The following STPG2 variants were observed in gnomAD, a reference collection of about 807,000 sequenced individuals.
The protein encoded by STPG2 is sperm tail PG-rich repeat containing 2, also known as sperm-tail PG-rich repeat-containing protein 2.
STPG2 carries 56 observed loss-of-function variants against 54.2 expected under a neutral mutation model. The observed-to-expected ratio is 1.03, with a 90% CI of 0.83 to 1.29. The LOEUF is 1.29. Among genes scored for constraint, STPG2 ranks in the 50% most tolerant of loss-of-function variants. The pLI, the probability that STPG2 is intolerant of heterozygous loss-of-function variation, is 0.00. For synonymous variants in STPG2, 200 were observed against 181.8 expected (o/e 1.10, Z -0.81); for missense variants, 596 against 544.9 (o/e 1.09, Z -0.93).
chr4:97,888,024 G>T (rs1236098380), intron 8 of STPG2, among the ~76,000 whole-genome samples: 1 of 152,228 alleles, frequency 6.6e-6, no homozygotes, highest in East Asian at 1.9e-4. Flanking sequence ...AAGCCTGTGG[G>T]TGCACAGAGT....
intron 10 of STPG2, among the ~76,000 whole-genome samples, chr4:97,671,779 G>A (rs771342056): frequency 6.6e-6 from 1 of 152,018 alleles, no homozygotes; most frequent in Non-Finnish European, 1.5e-5. Flanking sequence ...TCTGTAAGTG[G>A]GCATGGTAAC....
intron 9 of STPG2, among the ~76,000 whole-genome samples, chr4:97,823,803 G>A (rs1419368908): frequency 6.6e-6 from 1 of 152,106 alleles, no homozygotes; most frequent in African/African-American, 2.4e-5. Flanking sequence ...AGATGGGACT[G>A]GATCCGAGGC....
chr4:97,545,268 CAA>C (rs1394025110), intron 4 of STPG2, among the ~76,000 whole-genome samples: 1 of 152,038 alleles, frequency 6.6e-6, no homozygotes, highest in South Asian at 2.1e-4. Context: ...ATTTTAAACA[CAA>C]AGTGATTTTC....
At chr4:98,043,888 C>G (rs1737039380) in intron 5 of STPG2, among the ~76,000 whole-genome samples, 1 of 151,688 alleles carries the variant, frequency 6.6e-6, no homozygotes, top group African/African-American at 2.4e-5. Flanking sequence ...AGTCTAGTAC[C>G]CAGTGATTAT....
At chr4:97,567,189 A>AAC (rs142654573) in intron 10 of STPG2, among the ~76,000 whole-genome samples, 5,433 of 145,420 alleles carry the variant, frequency 0.037, 186 homozygotes, top group African/African-American at 0.089. Context: ...TCATAGCTGT[A>AAC]ACACACACAC....
At chr4:98,057,611 A>C (rs994075333) in intron 5 of STPG2, among the ~76,000 whole-genome samples, 1 of 152,186 alleles carries the variant, frequency 6.6e-6, no homozygotes, top group Non-Finnish European at 1.5e-5. Flanking sequence ...AGAAAAGAAG[A>C]ATGGAACCAA....
At chr4:97,541,770 G>A (rs1022457214) in intron 4 of STPG2, among the ~76,000 whole-genome samples, 12 of 152,158 alleles carry the variant, frequency 7.9e-5, no homozygotes, top group African/African-American at 2.4e-4. Flanking sequence ...TACCAAAACA[G>A]AGATATAGAC....
chr4:98,099,683 G>T lies in STPG2; in HGVS notation c.612+6270C>A, dbSNP rs141692466. Among the ~76,000 whole-genome samples the T allele has an allele frequency of 5.5e-4, 83 of 152,278 alleles. No individual in the cohort carries two copies. The East Asian group carries it at 0.013, about 24-fold the overall frequency. ...AGGGGATGGATAACCCATTCTCTGT[G>T]ATGTGCTTATTTCACATTGCATGCC... On this transcript the variant is annotated intron_variant, in intron 5 of 10. Transcript: ENST00000295268.
chr4:98,105,935 A>G lies in STPG2; in HGVS notation c.612+18T>C, dbSNP rs955864632. The G allele has an allele frequency of 6.5e-7, 1 of 1,538,646 alleles. No individual in the cohort carries two copies. Among genetic ancestry groups the G allele is most frequent in the Admixed American group, 1.8e-5 (1 of 55,300 alleles). On this transcript the variant is annotated intron_variant, in intron 5 of 10. Coordinates refer to ENST00000295268, the MANE Select transcript of STPG2 (RefSeq NM_174952.3). ...TTAAAATTGGGAAAATATATGCATT[A>G]GCCACTTTTCAACTTACCTTTTTTT... is the stretch of plus-strand genomic sequence containing the variant.
chr4:97,828,930 G>A (rs995338674), intron 9 of STPG2, among the ~76,000 whole-genome samples: 2 of 152,098 alleles, frequency 1.3e-5, no homozygotes, highest in Admixed American at 1.3e-4. Context: ...GGGAGGAAGG[G>A]GTGGCTATGG....
At chr4:98,088,251 T>C (rs1738584785) in intron 5 of STPG2, among the ~76,000 whole-genome samples, 2 of 152,180 alleles carry the variant, frequency 1.3e-5, no homozygotes, top group African/African-American at 4.8e-5. Flanking sequence ...AGTTTAGTAT[T>C]TCATGATAAG....
At chr4:98,050,164 T>C (rs1433794740) in intron 5 of STPG2, among the ~76,000 whole-genome samples, 2 of 152,136 alleles carry the variant, frequency 1.3e-5, no homozygotes, top group African/African-American at 2.4e-5. Flanking sequence ...TTGGGAAAAT[T>C]TGAACACAAA....
chr4:97,815,608 T>G (rs984643902), intron 9 of STPG2, among the ~76,000 whole-genome samples: 1 of 152,196 alleles, frequency 6.6e-6, no homozygotes. Flanking sequence ...ATTGTTAATT[T>G]TACATAATAC....
chr4:97,548,739 T>C (rs1731900163), intron 4 of STPG2, among the ~76,000 whole-genome samples: 2 of 152,132 alleles, frequency 1.3e-5, no homozygotes, highest in African/African-American at 4.8e-5. Context: ...AATTTGAAAA[T>C]ACTTTTTGTT....
chr4:98,081,290 C>G (rs1461034738), intron 5 of STPG2, among the ~76,000 whole-genome samples: 1 of 152,118 alleles, frequency 6.6e-6, no homozygotes. Flanking sequence ...GAGCCCTCCT[C>G]CTGATAGTAA....
At chr4:97,734,802 G>A (rs762451644) in intron 9 of STPG2, among the ~76,000 whole-genome samples, 2 of 152,088 alleles carry the variant, frequency 1.3e-5, no homozygotes, top group Admixed American at 6.5e-5. Flanking sequence ...GCCGGGGGCG[G>A]TGGCTCATGC....
At chr4:97,731,112 C>T (rs534057970) in intron 9 of STPG2, among the ~76,000 whole-genome samples, 1 of 152,322 alleles carries the variant, frequency 6.6e-6, no homozygotes, top group African/African-American at 2.4e-5. Context: ...CTGATTCTTT[C>T]TCATCTGAGA....
At chr4:97,832,381 T>A (rs765773251) in intron 9 of STPG2, among the ~76,000 whole-genome samples, 1 of 152,146 alleles carries the variant, frequency 6.6e-6, no homozygotes, top group Non-Finnish European at 1.5e-5. Context: ...TTATAAGAGC[T>A]CTTTATGACC....
intron 7 of STPG2, among the ~76,000 whole-genome samples, chr4:97,953,340 GCTGT>G (rs1733544907): frequency 6.6e-6 from 1 of 152,154 alleles, no homozygotes; most frequent in Non-Finnish European, 1.5e-5. Context: ...GCTAGCAACA[GCTGT>G]CTAAGTTCTA....
Sources: gnomAD v4.1 joint callset for allele counts (sites outside exome capture counted in the v4.1 genomes callset) on GRCh38, gnomAD v4.1.1 for gene constraint, MANE v1.5 for transcripts, NCBI Gene and HGNC (gene_info 2026-07-23, HGNC 2026-07-21) for gene names.